Variants in DNMBP observed in about 807,000 individuals in gnomAD.
DNMBP encodes the protein dynamin-binding protein.
In DNMBP, 87 loss-of-function variants were observed where a neutral mutation model predicts 150.0. The ratio of observed to expected loss-of-function variants is 0.58; its 90% CI spans 0.49 to 0.69. DNMBP has a LOEUF of 0.69. DNMBP is among the 30% of genes least tolerant of loss of function. The pLI, the probability that DNMBP is intolerant of heterozygous loss-of-function variation, is 0.00. For synonymous variants in DNMBP, 711 were observed against 750.4 expected (o/e 0.95, Z 0.86); for missense variants, 1,774 against 1,949.0 (o/e 0.91, Z 1.69).
intron 11 of DNMBP, among the ~76,000 whole-genome samples, chr10:99,893,975 T>A (rs142883781): frequency 1.4e-3 from 214 of 152,244 alleles, no homozygotes; most frequent in Middle Eastern, 6.8e-3. Context: ...ACTTTTTTTT[T>A]AAAAAAGTTA....
intron 6 of DNMBP, among the ~76,000 whole-genome samples, chr10:99,907,509 C>T (rs1407061880): frequency 6.6e-6 from 1 of 151,676 alleles, no homozygotes; most frequent in Non-Finnish European, 1.5e-5. Context: ...CTCAAGCAAT[C>T]CTCCAACCTT....
At chr10:99,993,275 G>C (rs1014024154) in intron 1 of DNMBP, among the ~76,000 whole-genome samples, 1 of 152,132 alleles carries the variant, frequency 6.6e-6, no homozygotes, top group Non-Finnish European at 1.5e-5. Flanking sequence ...GTTTGAAAAT[G>C]AATGTCTCAG....
intron 3 of DNMBP, among the ~76,000 whole-genome samples, chr10:99,960,167 T>C (rs2133338902): frequency 6.6e-6 from 1 of 152,314 alleles, no homozygotes; most frequent in African/African-American, 2.4e-5. Context: ...GAAATTAAAA[T>C]TCAGTTCTAT....
chr10:99,894,059 C>A (rs1054833504), intron 11 of DNMBP, among the ~76,000 whole-genome samples: 2 of 151,852 alleles, frequency 1.3e-5, no homozygotes, highest in Non-Finnish European at 2.9e-5. Flanking sequence ...GCCTGTAATC[C>A]CAGCACTTCG....
intron 1 of DNMBP, among the ~76,000 whole-genome samples, chr10:100,005,067 C>T (rs2041053498): frequency 6.6e-6 from 1 of 152,100 alleles, no homozygotes; most frequent in South Asian, 2.1e-4. Flanking sequence ...TCACTTTGTG[C>T]TTACGAGATT....
At position 99,879,957 on chromosome 10, in the gene DNMBP, TC is replaced by T; in HGVS notation, c.4401del (p.Asn1468ThrfsTer7). The T allele has an allele frequency of 1.2e-6, 2 of 1,614,236 alleles. No individual in the cohort carries two copies. Among genetic ancestry groups the T allele is most frequent in the Admixed American group, 1.7e-5 (1 of 60,028 alleles). On this transcript the variant is annotated frameshift_variant, in exon 16 of 17. Coordinates refer to ENST00000324109, the MANE Select transcript of DNMBP (RefSeq NM_015221.4). LOFTEE classifies it high-confidence loss of function. ...KQPTATPRSY[R>X]NFRHPEIVGY... is the part of the protein sequence containing the mutation. ...CCAACTATTTCTGGATGCCTGAAGTTCCGGTAGCTCCTCGGCGTGGCAGTGG... is the reference window on the plus strand; with the variant it reads ...CCAACTATTTCTGGATGCCTGAAGTTCGGTAGCTCCTCGGCGTGGCAGTGG...
chr10:99,937,572 A>G (rs1208177097), intron 4 of DNMBP, among the ~76,000 whole-genome samples: 1 of 152,240 alleles, frequency 6.6e-6, no homozygotes, highest in Non-Finnish European at 1.5e-5. Context: ...ATTTCCCTCA[A>G]ACCAAGTGAA....
At chr10:99,929,036 C>A (rs1242870708) in intron 4 of DNMBP, among the ~76,000 whole-genome samples, 1 of 151,950 alleles carries the variant, frequency 6.6e-6, no homozygotes, top group East Asian at 1.9e-4. Context: ...CCCAGCTACT[C>A]AGGAGGCTAA....
At chr10:99,988,130 G>A (rs752327113) in intron 1 of DNMBP, among the ~76,000 whole-genome samples, 17 of 151,858 alleles carry the variant, frequency 1.1e-4, no homozygotes, top group Admixed American at 7.9e-4. Flanking sequence ...CTTTTCCTGC[G>A]TCCAATGAGA....
chr10:99,924,015 A>G (rs2040051090), intron 4 of DNMBP, among the ~76,000 whole-genome samples: 1 of 152,014 alleles, frequency 6.6e-6, no homozygotes, highest in South Asian at 2.1e-4. Context: ...TTAGCCAGGC[A>G]TGGTGGTGCA....
In DNMBP at chr10:99,986,594, C is replaced by CAAAAAAAAAAAAAAA. The variant is rs747726572; in HGVS notation, c.-10-14475_-10-14461dup. On this transcript the variant is annotated intron_variant, in intron 1 of 16. Coordinates refer to ENST00000324109, the MANE Select transcript of DNMBP (RefSeq NM_015221.4). ...TGGGAGACAGAGCAAGACTCCGTCTCAAAAAAAAAAAAAAAAAAAAAAAAA... is the reference window on the plus strand; with the variant it reads ...TGGGAGACAGAGCAAGACTCCGTCTCAAAAAAAAAAAAAAAAAAAAAAAAAAAAAAAAAAAAAAAA... Among the ~76,000 whole-genome samples the CAAAAAAAAAAAAAAA allele has an allele frequency of 6.6e-4, 49 of 74,164 alleles. 4 individuals carry two copies. The highest frequency in any genetic ancestry group is 9.8e-4 in the Non-Finnish European group (36 of 36,636). 48.7% of individuals were successfully genotyped at this position (74,164 alleles called of 152,430 possible). A position where few individuals can be genotyped will look rare whatever the true frequency, so the allele number is the denominator to read the frequency against.
At chr10:99,982,399 G>T (rs188938620) in intron 1 of DNMBP, among the ~76,000 whole-genome samples, 2 of 151,958 alleles carry the variant, frequency 1.3e-5, no homozygotes, top group Non-Finnish European at 2.9e-5. Flanking sequence ...AGCCTAGATC[G>T]TGCTACTGCA....
At chr10:99,996,381 A>G (rs2040951822) in intron 1 of DNMBP, among the ~76,000 whole-genome samples, 1 of 152,268 alleles carries the variant, frequency 6.6e-6, no homozygotes, top group Non-Finnish European at 1.5e-5. Context: ...TTGGCCAGGC[A>G]TGGTGGCACC....
At chr10:99,975,768 T>C (rs1483192355) in intron 1 of DNMBP, among the ~76,000 whole-genome samples, 4 of 152,250 alleles carry the variant, frequency 2.6e-5, no homozygotes, top group African/African-American at 9.6e-5. Context: ...ATTAGCGATT[T>C]CACCTTGGAC....
rs1241749863 is a variant in DNMBP at position 99,972,774 on chromosome 10, CTT to C, written c.-10-642_-10-641del. Among the ~76,000 whole-genome samples the C allele has an allele frequency of 4.6e-5, 7 of 152,226 alleles. No individual in the cohort carries two copies. The South Asian group carries it at 1.0e-3, about 23-fold the overall frequency. On this transcript the variant is annotated intron_variant, in intron 1 of 16. Transcript: ENST00000324109. ...TACAGGCGCACACCACTGTGCCTGACTTTTTATTTTTATTTTTTGAGATGAAA... is the reference window on the plus strand; with the variant it reads ...TACAGGCGCACACCACTGTGCCTGACTTTATTTTTATTTTTTGAGATGAAA...
rs971137161 is a variant in DNMBP at position 100,008,858 on chromosome 10, A to G, written c.-11+980T>C. On this transcript the variant is annotated intron_variant, in intron 1 of 16. Coordinates refer to ENST00000324109, the MANE Select transcript of DNMBP (RefSeq NM_015221.4). Reference sequence around the variant, plus strand: ...CAGGTACTTCAGTCTTGCAAAAACTACTACAGATTAATCAGTCCTGCTCAT... The same window carrying G: ...CAGGTACTTCAGTCTTGCAAAAACTGCTACAGATTAATCAGTCCTGCTCAT... Among the ~76,000 whole-genome samples the G allele has an allele frequency of 2.0e-5, 3 of 152,236 alleles. No homozygotes were observed. The South Asian group carries it at 6.2e-4, about 31-fold the overall frequency.
rs1554863107 is a variant in DNMBP at position 99,915,108 on chromosome 10, A to AAT, written c.2261-5964_2261-5963dup. Among the ~76,000 whole-genome samples the AAT allele has an allele frequency of 7.2e-3, 715 of 99,662 alleles. 10 individuals are homozygous for AAT. The highest frequency in any genetic ancestry group is 0.017 in the Middle Eastern group (2 of 120). 65.4% of individuals were successfully genotyped at this position (99,662 alleles called of 152,430 possible). A position where few individuals can be genotyped will look rare whatever the true frequency, so the allele number is the denominator to read the frequency against. On this transcript the variant is annotated intron_variant, in intron 4 of 16. Transcript: ENST00000324109. ...AAACTCTGTCTCAAAAAAAAAAAAA[A>AAT]ATATATATATATATATATATACACA... is the stretch of plus-strand genomic sequence containing the variant.
intron 2 of DNMBP, among the ~76,000 whole-genome samples, chr10:99,971,595 C>T (rs539511754): frequency 1.3e-5 from 2 of 152,192 alleles, no homozygotes; most frequent in South Asian, 2.1e-4. Flanking sequence ...AATCTCAACT[C>T]ACTGCAATCT....
intron 1 of DNMBP, among the ~76,000 whole-genome samples, chr10:99,990,597 C>T (rs2040874130): frequency 7.0e-6 from 1 of 142,000 alleles, no homozygotes; most frequent in African/African-American, 2.6e-5. Flanking sequence ...ACTAAACACC[C>T]CAAATTAATG....
Sources: gnomAD v4.1 joint callset for allele counts (sites outside exome capture counted in the v4.1 genomes callset) on GRCh38, gnomAD v4.1.1 for gene constraint, MANE v1.5 for transcripts, NCBI Gene and HGNC (gene_info 2026-07-23, HGNC 2026-07-21) for gene names.